NEBL: variants seen among roughly 807,000 people sequenced by gnomAD.
The protein encoded by NEBL is LIM and SH3 protein 2.
A neutral mutation model predicts 140.2 loss-of-function variants in NEBL; 122 were observed. The ratio of observed to expected loss-of-function variants is 0.87; its 90% CI spans 0.75 to 1.01. NEBL has a LOEUF of 1.01. Ranked by LOEUF, NEBL falls within the 50% of genes least tolerant of loss-of-function variation. The pLI is 0.00. For synonymous variants in NEBL, 436 were observed against 398.9 expected (o/e 1.09, Z -1.11); for missense variants, 1,365 against 1,231.3 (o/e 1.11, Z -1.62).
intron 3 of NEBL, among the ~76,000 whole-genome samples, chr10:21,210,588 A>T (rs912192680): frequency 1.3e-5 from 2 of 152,236 alleles, no homozygotes; most frequent in African/African-American, 4.8e-5. Context: ...TCAAAGCAAA[A>T]TCATACAATT....
At chr10:21,040,467 G>A (rs1834221835) in intron 2 of NEBL, among the ~76,000 whole-genome samples, 1 of 152,196 alleles carries the variant, frequency 6.6e-6, no homozygotes, top group Non-Finnish European at 1.5e-5. Flanking sequence ...TGAAGGGGGA[G>A]CAGGTATGTT....
At chr10:21,179,116 T>C (rs1363410199), upstream of NEBL, among the ~76,000 whole-genome samples, 1 of 152,026 alleles carries the variant, frequency 6.6e-6, no homozygotes, top group African/African-American at 2.4e-5. Context: ...CCCTATAAAC[T>C]CTATAAAATT....
At chr10:21,020,066 T>C (rs368077685) in intron 3 of NEBL, 528 of 1,462,256 alleles carry the variant, frequency 3.6e-4, no homozygotes, top group Non-Finnish European at 4.4e-4. Flanking sequence ...AGAGCAGCCT[T>C]GTGAAAAATC....
chr10:21,202,574 T>C lies in NEBL; in HGVS notation n.349-30097A>G, dbSNP rs1000746695. Among the ~76,000 whole-genome samples the C allele has an allele frequency of 1.3e-4, 20 of 148,732 alleles. No individual in the cohort carries two copies. In the Admixed American group the frequency reaches 1.4e-3, roughly 10 times the overall value. ...CGCCCCGCTGTTGACGCCATTCTCC[T>C]GCCTCAGCCTCCCAAGTAGCTGGGA... On this transcript the variant is annotated intron_variant and non_coding_transcript_variant, in intron 3 of 8. Coordinates refer to the NEBL transcript ENST00000675702.
At chr10:20,960,613 C>A (rs1836005977) in intron 4 of NEBL, among the ~76,000 whole-genome samples, 1 of 151,924 alleles carries the variant, frequency 6.6e-6, no homozygotes, top group South Asian at 2.1e-4. Context: ...TCAAATTATA[C>A]ATAATTCTAT....
chr10:20,977,750 G>C (rs893638282), intron 3 of NEBL, among the ~76,000 whole-genome samples: 1 of 152,212 alleles, frequency 6.6e-6, no homozygotes, highest in Non-Finnish European at 1.5e-5. Flanking sequence ...TGTAACAAAA[G>C]CATCAGAATG....
chr10:21,072,272 A>G (rs551153198), intron 2 of NEBL, among the ~76,000 whole-genome samples: 3 of 151,426 alleles, frequency 2.0e-5, no homozygotes, highest in Non-Finnish European at 4.4e-5. Flanking sequence ...GCATCTGTAT[A>G]CCTCTTTTCC....
intron 4 of NEBL, among the ~76,000 whole-genome samples, chr10:20,950,020 C>A (rs1398776283): frequency 6.6e-6 from 1 of 152,164 alleles, no homozygotes; most frequent in East Asian, 1.9e-4. Context: ...CCCTCCTAAA[C>A]CTGAGTTTGT....
chr10:21,104,414 C>T (rs1399389371), intron 2 of NEBL, among the ~76,000 whole-genome samples: 2 of 152,132 alleles, frequency 1.3e-5, no homozygotes, highest in Admixed American at 6.5e-5. Context: ...TTTCCAGCAA[C>T]ATTTTGTAGT....
chr10:20,924,318 C>A (rs1833756558), intron 4 of NEBL, among the ~76,000 whole-genome samples: 1 of 141,928 alleles, frequency 7.0e-6, no homozygotes, highest in African/African-American at 2.6e-5. Flanking sequence ...TCACCTGTGA[C>A]AACTTACAGT....
At chr10:21,269,450 A>T (rs546407344) in intron 1 of NEBL, among the ~76,000 whole-genome samples, 1 of 152,216 alleles carries the variant, frequency 6.6e-6, no homozygotes. Flanking sequence ...GAGCACAACA[A>T]ACAGAGTTGC....
At chr10:21,042,378 G>A (rs1034744436) in intron 2 of NEBL, among the ~76,000 whole-genome samples, 10 of 152,328 alleles carry the variant, frequency 6.6e-5, no homozygotes, top group African/African-American at 2.4e-4. Context: ...GGAGCTGACT[G>A]TGCACTTTTT....
intron 26 of NEBL, among the ~76,000 whole-genome samples, chr10:20,792,281 C>A (rs1237260422): frequency 1.3e-5 from 2 of 151,938 alleles, no homozygotes; most frequent in African/African-American, 4.8e-5. Context: ...CAGAAATTTC[C>A]CAATAAAGAG....
chr10:21,074,043 C>G (rs1031639114), intron 2 of NEBL, among the ~76,000 whole-genome samples: 1 of 152,142 alleles, frequency 6.6e-6, no homozygotes, highest in Non-Finnish European at 1.5e-5. Context: ...CCACTGCACT[C>G]CAGCCTGGGC....
chr10:20,997,229 T>G lies in NEBL; in HGVS notation c.249+22888A>C, dbSNP rs1404181598. 3.9e-5 allele frequency among the ~76,000 whole-genome samples: 6 copies of G among 152,190 alleles called. No individual in the cohort carries two copies. The East Asian group carries it at 1.2e-3, about 29-fold the overall frequency. ...CCTTTGTTCATTTAAACATTTACAA[T>G]GGTGGGGTTGCAGAGATAATGGGAT... is the stretch of plus-strand genomic sequence containing the variant. On this transcript the variant is annotated intron_variant, in intron 3 of 6. Coordinates refer to the NEBL transcript ENST00000417816.
intron 4 of NEBL, among the ~76,000 whole-genome samples, chr10:20,923,771 A>C (rs1833728415): frequency 6.7e-6 from 1 of 149,832 alleles, no homozygotes; most frequent in South Asian, 2.1e-4. Context: ...TCAAGCCTGC[A>C]CTTCATCCCT....
chr10:21,260,585 G>C (rs1318109578), intron 1 of NEBL, among the ~76,000 whole-genome samples: 1 of 152,118 alleles, frequency 6.6e-6, no homozygotes, highest in African/African-American at 2.4e-5. Context: ...AGAAGCCCCA[G>C]GCTCTGAATC....
rs771269408 is a variant in NEBL at position 20,888,172 on chromosome 10, A to T, written c.294T>A (p.Ser98=). The T allele has an allele frequency of 1.2e-6, 2 of 1,613,886 alleles. No homozygotes were observed. The highest frequency in any genetic ancestry group is 1.7e-6 in the Non-Finnish European group (2 of 1,179,806). ...KYKGTIKADL[S]NSLYKRMPAT... is the part of the protein sequence containing the mutation. ...CTGGCATCCGCTTATAAAGAGAATT[A>T]GAAAGGTCAGCTTTAATGGTGCCTT... Residue 98 remains serine, a synonymous_variant, in exon 4 of 28, where the codon TCT becomes TCA. Coordinates refer to ENST00000377122, the MANE Select transcript of NEBL (RefSeq NM_006393.3).
At chr10:21,263,780 C>T (rs981932495) in intron 1 of NEBL, among the ~76,000 whole-genome samples, 51 of 152,090 alleles carry the variant, frequency 3.4e-4, no homozygotes, top group African/African-American at 1.2e-3. Flanking sequence ...GCCTGGGCAA[C>T]ATGGCGAAAC....
Sources: allele counts gnomAD v4.1 joint callset (sites outside exome capture counted in the v4.1 genomes callset), GRCh38; gene constraint gnomAD v4.1.1; transcripts MANE v1.5; gene names NCBI Gene and HGNC (gene_info 2026-07-23, HGNC 2026-07-21).